Variants in ANKIB1 observed in about 807,000 individuals in gnomAD.
ANKIB1 encodes the protein ankyrin repeat and IBR domain containing 1.
A neutral mutation model predicts 122.1 loss-of-function variants in ANKIB1; 43 were observed. That is an observed-to-expected ratio of 0.35 (90% CI 0.28 to 0.45). ANKIB1 has a LOEUF of 0.45. ANKIB1 is among the 20% of genes least tolerant of loss of function. The probability of loss-of-function intolerance (pLI) is 1.00; values close to 1 mark genes in which losing one functional copy is unlikely to be tolerated. For synonymous variants in ANKIB1, 390 were observed against 442.0 expected, an observed-to-expected ratio of 0.88 and a Z score of 1.48; for missense variants, 992 against 1,329.5, an observed-to-expected ratio of 0.75 and a Z score of 3.95.
chr7:92,264,275 C>A (rs1801624592), intron 1 of ANKIB1, among the ~76,000 whole-genome samples: 1 of 147,324 alleles, frequency 6.8e-6, no homozygotes, highest in Non-Finnish European at 1.5e-5. Flanking sequence ...AGAAATTTTA[C>A]AATTATGGGG....
intron 5 of ANKIB1, among the ~76,000 whole-genome samples, chr7:92,337,826 ATAGT>A (rs1464370539): frequency 3.3e-5 from 5 of 152,208 alleles, no homozygotes; most frequent in Admixed American, 6.6e-5. Context: ...ATATGAGTAA[ATAGT>A]TATTTATTGA....
chr7:92,380,914 T>C (rs1269455616), intron 11 of ANKIB1, among the ~76,000 whole-genome samples: 1 of 152,170 alleles, frequency 6.6e-6, no homozygotes, highest in African/African-American at 2.4e-5. Context: ...ACTTTGACAG[T>C]TGACAGAAGT....
At chr7:92,357,981 G>A (rs995805034) in intron 9 of ANKIB1, among the ~76,000 whole-genome samples, 1 of 151,990 alleles carries the variant, frequency 6.6e-6, no homozygotes, top group Admixed American at 6.6e-5. Context: ...AGTGGCTCAC[G>A]CCTGTAATCC....
chr7:92,370,229 C>T (rs188814079), intron 10 of ANKIB1, among the ~76,000 whole-genome samples: 131 of 151,980 alleles, frequency 8.6e-4, no homozygotes, highest in Admixed American at 3.9e-3. Flanking sequence ...GTAATGGGGG[C>T]CGGGCACGGT....
At position 92,374,045 on chromosome 7, in the gene ANKIB1, TG is replaced by T. The variant is rs199935536; in HGVS notation, c.1617+2439del. Among the ~76,000 whole-genome samples, 1,062 of 152,298 alleles carry T rather than the reference TG, an allele frequency of 7.0e-3. 6 individuals are homozygous for T. Among genetic ancestry groups the T allele is most frequent in the Non-Finnish European group, 0.011 (757 of 68,026 alleles). ...ATATATTCAAACTGCATACTGAAAC[TG>T]TGGACTGTGCCATCTTTTTAAGTAC... On this transcript the variant is annotated intron_variant, in intron 11 of 19. Coordinates refer to ENST00000265742, the MANE Select transcript of ANKIB1 (RefSeq NM_019004.2).
intron 2 of ANKIB1, among the ~76,000 whole-genome samples, chr7:92,302,081 C>T (rs1802468879): frequency 6.6e-6 from 1 of 151,948 alleles, no homozygotes; most frequent in Non-Finnish European, 1.5e-5. Context: ...TTACAGGTGC[C>T]TGCCACCACC....
intron 9 of ANKIB1, among the ~76,000 whole-genome samples, chr7:92,358,982 C>T (rs1003579785): frequency 6.6e-6 from 1 of 152,104 alleles, no homozygotes; most frequent in Non-Finnish European, 1.5e-5. Context: ...CTAGCATGTG[C>T]GCCAAATTAA....
intron 16 of ANKIB1, among the ~76,000 whole-genome samples, chr7:92,391,679 TCTTAC>T (rs1804787968): frequency 1.3e-5 from 2 of 152,146 alleles, no homozygotes; most frequent in African/African-American, 4.8e-5. Context: ...GTTATAAACA[TCTTAC>T]GATGTAGAAT....
intron 1 of ANKIB1, among the ~76,000 whole-genome samples, chr7:92,290,370 AGTGT>A (rs34404682): frequency 8.0e-4 from 113 of 141,362 alleles, no homozygotes; most frequent in East Asian, 2.5e-3. Context: ...TATGTATGAA[AGTGT>A]GTGTGTGTGT....
intron 6 of ANKIB1, among the ~76,000 whole-genome samples, chr7:92,343,864 A>C (rs902366583): frequency 4.6e-5 from 7 of 152,256 alleles, no homozygotes; most frequent in Admixed American, 2.0e-4. Context: ...TTCCAAAATA[A>C]GTGTTTTATT....
At chr7:92,363,261 A>T (rs1803992092) in intron 10 of ANKIB1, among the ~76,000 whole-genome samples, 2 of 152,118 alleles carry the variant, frequency 1.3e-5, no homozygotes, top group African/African-American at 4.8e-5. Context: ...AAATAAAAAA[A>T]TTAGCTGGGC....
chr7:92,320,514 A>C (rs1220980612), intron 4 of ANKIB1, among the ~76,000 whole-genome samples: 6 of 152,212 alleles, frequency 3.9e-5, no homozygotes, highest in Admixed American at 6.5e-5. Context: ...TCCCGGTCTC[A>C]ATAAATATTA....
intron 1 of ANKIB1, chr7:92,294,358 T>C (rs1802310526): frequency 6.6e-6 from 1 of 152,228 alleles, no homozygotes; most frequent in Non-Finnish European, 1.5e-5. Flanking sequence ...TATCATTGAA[T>C]TGTGTATTCC....
chr7:92,318,998 A>T (rs1378657452), intron 3 of ANKIB1, among the ~76,000 whole-genome samples: 1 of 152,190 alleles, frequency 6.6e-6, no homozygotes, highest in Non-Finnish European at 1.5e-5. Flanking sequence ...TAAAAATTTA[A>T]AGTACTGAGT....
intron 3 of ANKIB1, among the ~76,000 whole-genome samples, chr7:92,315,432 A>G (rs1230725498): frequency 1.3e-5 from 2 of 152,212 alleles, no homozygotes; most frequent in Admixed American, 1.3e-4. Context: ...GCTAAAAGCA[A>G]GATAATGTAT....
chr7:92,352,606 C>T lies in ANKIB1; in HGVS notation c.1361C>T (p.Pro454Leu), dbSNP rs765327955. ...DTLSFPLLRA[P>L]AVDCGKGHLF... ...CTCAGCTTCCCATTGCTGAGAGCTC[C>T]TGCTGTTGATTGTGGAAAAGGACAC... Residue 454 changes from proline (P) to leucine (L), a missense_variant, in exon 9 of 20, where the codon CCT becomes CTT. By Grantham distance (98) the Pro-to-Leu change is moderately conservative. Around this residue, in one of 4 missense-constraint regions of ANKIB1, gnomAD observed 521 missense variants for 777.7 expected, o/e 0.67. Transcript: ENST00000265742. The T allele has an allele frequency of 6.2e-7, 1 of 1,612,318 alleles. No homozygotes were observed. The highest frequency in any genetic ancestry group is 1.1e-5 in the South Asian group (1 of 90,582).
intron 10 of ANKIB1, among the ~76,000 whole-genome samples, chr7:92,362,737 T>A (rs1335140625): frequency 6.6e-6 from 1 of 152,220 alleles, no homozygotes; most frequent in East Asian, 1.9e-4. Context: ...TATAGACAAG[T>A]ATTGTCACTG....
chr7:92,319,514 T>C lies in ANKIB1; in HGVS notation c.669+2T>C. On this transcript the variant is annotated splice_donor_variant, in intron 4 of 19. Transcript: ENST00000265742. LOFTEE classifies it high-confidence loss of function. ...TATGCTGCATTAGACAAACGAGAGG[T>C]CAGTTTATTTTTTCTTCTCAGTAAA... 6.3e-7 allele frequency: 1 copy of C among 1,592,562 alleles called. No homozygotes were observed. The highest frequency in any genetic ancestry group is 8.5e-7 in the Non-Finnish European group (1 of 1,174,740).
intron 1 of ANKIB1, among the ~76,000 whole-genome samples, chr7:92,269,759 C>G (rs1801744438): frequency 1.3e-5 from 2 of 151,736 alleles, no homozygotes; most frequent in African/African-American, 4.8e-5. Context: ...TCAACTATCT[C>G]TTCTATAACT....
Sources: allele counts gnomAD v4.1 joint callset (sites outside exome capture counted in the v4.1 genomes callset), GRCh38; gene constraint gnomAD v4.1.1; regional missense constraint gnomAD v4.1.1; transcripts MANE v1.5; gene names NCBI Gene and HGNC (gene_info 2026-07-23, HGNC 2026-07-21).